Variants in MAGT1 observed in about 807,000 individuals in gnomAD.
MAGT1 encodes the protein magnesium transporter 1, also known as dolichyl-diphosphooligosaccharide--protein glycosyltransferase subunit MAGT1.
A neutral mutation model predicts 28.4 loss-of-function variants in MAGT1; 4 were observed. That is an observed-to-expected ratio of 0.14 (90% CI 0.07 to 0.32). The LOEUF (loss-of-function observed/expected upper bound fraction) is 0.32, where lower values mean the gene tolerates loss of function less well. Among genes scored for constraint, MAGT1 ranks in the 10% least tolerant of loss-of-function variants. MAGT1 has a pLI of 1.00. For synonymous variants in MAGT1, 89 were observed against 89.7 expected (o/e 0.99, Z 0.04); for missense variants, 193 against 264.5 (o/e 0.73, Z 1.88).
chrX:77,872,341 C>T (rs1557217392), intron 2 of MAGT1, among the ~76,000 whole-genome samples: 1 of 111,677 alleles, frequency 9.0e-6, no homozygotes, highest in African/African-American at 3.3e-5. Flanking sequence ...CCGTGCCCGG[C>T]CCTCCTCCAA....
chrX:77,830,970 T>TTTTTATTTTATTTTA (rs201564456), intron 8 of MAGT1, 75 bp from the exon 9 acceptor site: 175 of 182,567 alleles, frequency 9.6e-4, no homozygotes, highest in African/African-American at 3.4e-3. Context: ...ATACTTTCTT[T>TTTTTATTTTATTTTA]TTTTATTTTA....
At chrX:77,837,106 G>T (rs1399936808) in intron 8 of MAGT1, among the ~76,000 whole-genome samples, 10 of 111,234 alleles carry the variant, frequency 9.0e-5, no homozygotes, top group Non-Finnish European at 1.7e-4. Flanking sequence ...TTGCCAAAAT[G>T]TTTAACAATT....
intron 3 of MAGT1, among the ~76,000 whole-genome samples, chrX:77,865,448 C>T (rs1557216807): frequency 9.1e-6 from 1 of 109,534 alleles, no homozygotes; most frequent in Non-Finnish European, 1.9e-5. Flanking sequence ...CACCACCATG[C>T]CCGTCTAATT....
At chrX:77,841,832 C>G (rs1412580334) in intron 7 of MAGT1, among the ~76,000 whole-genome samples, 11 of 104,672 alleles carry the variant, frequency 1.1e-4, no homozygotes, top group African/African-American at 3.8e-4. Flanking sequence ...CTCACCACCA[C>G]GCCCAGTTAA....
At chrX:77,877,863 AAAAT>A (rs1557218034) in intron 1 of MAGT1, among the ~76,000 whole-genome samples, 1 of 46,170 alleles carries the variant, frequency 2.2e-5, no homozygotes, top group East Asian at 7.8e-4. Context: ...AAAATAAAAT[AAAAT>A]AAAATATACT....
chrX:77,859,283 T>A (rs370028167), intron 3 of MAGT1, among the ~76,000 whole-genome samples: 86 of 112,277 alleles, frequency 7.7e-4, no homozygotes, highest in African/African-American at 1.6e-3. Flanking sequence ...TTTAAAAACA[T>A]TACATGGTTA....
intron 2 of MAGT1, among the ~76,000 whole-genome samples, chrX:77,874,366 A>C (rs1049047817): frequency 1.0e-4 from 11 of 106,484 alleles, no homozygotes; most frequent in African/African-American, 1.4e-4. Flanking sequence ...GGGAGGCTTA[A>C]GTGGGTTGAT....
At chrX:77,845,252 G>C (rs2076947951) in intron 7 of MAGT1, among the ~76,000 whole-genome samples, 1 of 111,182 alleles carries the variant, frequency 9.0e-6, no homozygotes, top group Admixed American at 9.7e-5. Flanking sequence ...TTTTATCAGA[G>C]ACTAGGATTG....
intron 8 of MAGT1, among the ~76,000 whole-genome samples, chrX:77,836,674 CAGA>C (rs2076919543): frequency 9.0e-6 from 1 of 111,721 alleles, no homozygotes; most frequent in African/African-American, 3.2e-5. Flanking sequence ...GAGGCCAAGG[CAGA>C]AGGATTGCTT....
intron 7 of MAGT1, among the ~76,000 whole-genome samples, chrX:77,850,484 A>AGGG (rs35120738): frequency 2.9e-5 from 1 of 33,931 alleles, no homozygotes; most frequent in African/African-American, 1.3e-4. Flanking sequence ...CAAAAAAAAA[A>AGGG]GGGGGGGGGG....
intron 1 of MAGT1, among the ~76,000 whole-genome samples, chrX:77,884,721 A>G (rs138316579): frequency 4.6e-5 from 5 of 108,566 alleles, no homozygotes; most frequent in African/African-American, 6.7e-5. Flanking sequence ...ACAACCAAAA[A>G]TATCTCCACA....
chrX:77,890,069 C>T (rs1370518426), intron 1 of MAGT1, among the ~76,000 whole-genome samples: 6 of 112,093 alleles, frequency 5.4e-5, no homozygotes, highest in Admixed American at 1.9e-4. Flanking sequence ...CTTAACATAA[C>T]GACTTCCAGT....
At chrX:77,844,367 C>G (rs1273714473) in intron 7 of MAGT1, among the ~76,000 whole-genome samples, 2 of 111,460 alleles carry the variant, frequency 1.8e-5, no homozygotes, top group East Asian at 2.8e-4. Flanking sequence ...TGCTAGCGGT[C>G]TATCAATTTT....
At chrX:77,834,265 TATATGC>T (rs1557213669) in intron 8 of MAGT1, among the ~76,000 whole-genome samples, 2 of 99,076 alleles carry the variant, frequency 2.0e-5, no homozygotes, top group Non-Finnish European at 4.1e-5. Flanking sequence ...CATGTGTGTA[TATATGC>T]ATATATGTAT....
intron 1 of MAGT1, among the ~76,000 whole-genome samples, chrX:77,881,889 A>C (rs1295965010): frequency 6.3e-5 from 7 of 111,655 alleles, no homozygotes; most frequent in Non-Finnish European, 1.3e-4. Flanking sequence ...ATCAATGCAA[A>C]AATCCTCAAT....
In MAGT1 at chrX:77,856,890, A is replaced by G; in HGVS notation, c.532-17T>C. 1 of 1,185,526 alleles carries G rather than the reference A, an allele frequency of 8.4e-7. No individual in the cohort carries two copies. Among genetic ancestry groups the G allele is most frequent in the Non-Finnish European group, 1.1e-6 (1 of 875,471 alleles). On this transcript the variant is annotated splice_polypyrimidine_tract_variant and intron_variant, in intron 4 of 9. Coordinates refer to ENST00000618282, the MANE Select transcript of MAGT1 (RefSeq NM_001367916.1). Reference sequence around the variant, plus strand: ...CACTCTAATCTAATGGAAAGGAGAGAAAAACATGTTAAAGTATAAAATTTT... The same window carrying G: ...CACTCTAATCTAATGGAAAGGAGAGGAAAACATGTTAAAGTATAAAATTTT...
At chrX:77,862,529 CA>C (rs1164508157) in intron 3 of MAGT1, among the ~76,000 whole-genome samples, 3 of 110,664 alleles carry the variant, frequency 2.7e-5, no homozygotes, top group Non-Finnish European at 3.8e-5. Flanking sequence ...AAAACAAAAA[CA>C]AAAAAAATTC....
rs782745774 is a variant in MAGT1, at chrX:77,893,142, C to T, written c.102+2167G>A. On this transcript the variant is annotated intron_variant, in intron 1 of 9. Transcript: ENST00000618282. The stretch of plus-strand genomic sequence containing the variant: ...ACAGCATGCAGCCTGTGTAAGAGGC[C>T]CTGTCTCCAAATAAATACATACATA... Among the ~76,000 whole-genome samples the T allele has an allele frequency of 5.4e-5, 6 of 111,534 alleles. No homozygotes were observed. In the East Asian group the frequency reaches 1.7e-3, roughly 31 times the overall value.
At chrX:77,855,030 G>A (rs373519468) in intron 6 of MAGT1, among the ~76,000 whole-genome samples, 1 of 111,678 alleles carries the variant, frequency 9.0e-6, no homozygotes, top group Non-Finnish European at 1.9e-5. Flanking sequence ...CTGCGGCCGG[G>A]TGCGGTGGCT....
Sources: allele counts gnomAD v4.1 joint callset (sites outside exome capture counted in the v4.1 genomes callset), GRCh38; gene constraint gnomAD v4.1.1; transcripts MANE v1.5; gene names NCBI Gene and HGNC (gene_info 2026-07-23, HGNC 2026-07-21).